Variants in HEMK2 observed in about 807,000 individuals in gnomAD.
The protein encoded by HEMK2 is methyltransferase HEMK2.
the HEMK2 span, among the ~76,000 whole-genome samples, chr21:28,700,611 C>G: frequency 6.6e-6 from 1 of 152,146 alleles, no homozygotes; most frequent in South Asian, 2.1e-4. Flanking sequence ...AACTGAATCT[C>G]TGAACACACC....
the HEMK2 span, among the ~76,000 whole-genome samples, chr21:28,688,803 T>C: frequency 4.6e-5 from 7 of 152,056 alleles, no homozygotes; most frequent in Admixed American, 1.3e-4. Context: ...TATAAACAAA[T>C]ACAATGAAAA....
the HEMK2 span, among the ~76,000 whole-genome samples, chr21:28,841,190 A>AATATAT: frequency 4.7e-5 from 1 of 21,438 alleles, no homozygotes; most frequent in Non-Finnish European, 6.5e-5. Flanking sequence ...TATATATTAT[A>AATATAT]ATATATATAT....
chr21:28,808,678 C>T, the HEMK2 span, among the ~76,000 whole-genome samples: 1 of 151,848 alleles, frequency 6.6e-6, no homozygotes, highest in Non-Finnish European at 1.5e-5. Context: ...TTATGTACTG[C>T]TAGTATATGA....
chr21:28,607,901 T>C, the HEMK2 span, among the ~76,000 whole-genome samples: 1 of 152,230 alleles, frequency 6.6e-6, no homozygotes. Flanking sequence ...GAGGGGCTGA[T>C]ACAAAGATAT....
At chr21:28,882,641 A>AC in the HEMK2 span, among the ~76,000 whole-genome samples, 21 of 152,156 alleles carry the variant, frequency 1.4e-4, no homozygotes, top group African/African-American at 4.8e-4. Context: ...ACACAGTTGG[A>AC]CCATGTATGG....
the HEMK2 span, among the ~76,000 whole-genome samples, chr21:28,783,557 G>C: frequency 6.6e-6 from 1 of 152,254 alleles, no homozygotes; most frequent in Admixed American, 6.5e-5. Flanking sequence ...GGCCAGGTAA[G>C]AAATTATATA....
At chr21:28,843,142 G>A in the HEMK2 span, among the ~76,000 whole-genome samples, 1 of 152,050 alleles carries the variant, frequency 6.6e-6, no homozygotes, top group African/African-American at 2.4e-5. Flanking sequence ...AAACACATGT[G>A]GTTTCAACAC....
chr21:28,846,028 A>G, the HEMK2 span, among the ~76,000 whole-genome samples: 1 of 152,168 alleles, frequency 6.6e-6, no homozygotes, highest in Non-Finnish European at 1.5e-5. Flanking sequence ...GCTCCCACTT[A>G]TAAGTGAGAA....
At chr21:28,622,269 C>G in the HEMK2 span, among the ~76,000 whole-genome samples, 1 of 152,174 alleles carries the variant, frequency 6.6e-6, no homozygotes, top group African/African-American at 2.4e-5. Flanking sequence ...ATACAACTTA[C>G]AACAGATGTG....
At chr21:28,860,027 T>G in the HEMK2 span, among the ~76,000 whole-genome samples, 1 of 152,116 alleles carries the variant, frequency 6.6e-6, no homozygotes, top group East Asian at 1.9e-4. Context: ...TCAGCACATG[T>G]GTATAGGCTC....
At chr21:28,814,617 A>G in the HEMK2 span, among the ~76,000 whole-genome samples, 1 of 152,124 alleles carries the variant, frequency 6.6e-6, no homozygotes, top group Non-Finnish European at 1.5e-5. Context: ...GCAGCCAAAA[A>G]ACACATGAAA....
chr21:28,700,884 A>T, the HEMK2 span, among the ~76,000 whole-genome samples: 2 of 152,106 alleles, frequency 1.3e-5, no homozygotes, highest in African/African-American at 2.4e-5. Context: ...ATGAACATAG[A>T]TGCAAAAATC....
chr21:28,760,977 T>C, the HEMK2 span, among the ~76,000 whole-genome samples: 1 of 152,170 alleles, frequency 6.6e-6, no homozygotes. Flanking sequence ...TATTATTGAG[T>C]TTATGTTATT....
chr21:28,878,522 T>C, the HEMK2 span, among the ~76,000 whole-genome samples: 1 of 152,328 alleles, frequency 6.6e-6, no homozygotes, highest in East Asian at 1.9e-4. Context: ...TTAGTAATCC[T>C]GTTTGTGAAT....
chr21:28,746,640 CAAG>C, the HEMK2 span, among the ~76,000 whole-genome samples: 4 of 149,176 alleles, frequency 2.7e-5, no homozygotes, highest in African/African-American at 7.4e-5. Flanking sequence ...TTGAGTGGTC[CAAG>C]AAGAGTTGCT....
the HEMK2 span, among the ~76,000 whole-genome samples, chr21:28,731,422 A>C: frequency 6.6e-6 from 1 of 152,200 alleles, no homozygotes; most frequent in Admixed American, 6.5e-5. Flanking sequence ...GAAGACATTT[A>C]TACTTGCCCA....
chr21:28,630,307 A>G, the HEMK2 span, among the ~76,000 whole-genome samples: 1 of 152,214 alleles, frequency 6.6e-6, no homozygotes, highest in Non-Finnish European at 1.5e-5. Flanking sequence ...GTGGAGAAAT[A>G]GGAACACTTT....
the HEMK2 span, among the ~76,000 whole-genome samples, chr21:28,813,974 C>T: frequency 6.6e-6 from 1 of 152,238 alleles, no homozygotes; most frequent in African/African-American, 2.4e-5. Flanking sequence ...GTGGCTCACA[C>T]TTGTCTTAAT....
chr21:28,781,301 A>G, the HEMK2 span, among the ~76,000 whole-genome samples: 5 of 152,176 alleles, frequency 3.3e-5, no homozygotes, highest in Non-Finnish European at 7.3e-5. Context: ...TTCTATATCA[A>G]CTTTAGAGGC....
Sources: allele counts gnomAD v4.1 joint callset (sites outside exome capture counted in the v4.1 genomes callset), GRCh38; gene constraint gnomAD v4.1.1; transcripts MANE v1.5; gene names NCBI Gene and HGNC (gene_info 2026-07-23, HGNC 2026-07-21).